Variants in ANXA3 observed in about 807,000 individuals in gnomAD.
ANXA3 encodes the protein 35-alpha calcimedin.
In ANXA3, 46 loss-of-function variants were observed where a neutral mutation model predicts 48.8. That is an observed-to-expected ratio of 0.94 (90% CI 0.74 to 1.21). The LOEUF is 1.21. Ranked by LOEUF, ANXA3 falls within the 50% of genes most tolerant of loss-of-function variation. ANXA3 has a pLI of 0.00. For synonymous variants in ANXA3, 128 were observed against 134.7 expected, an observed-to-expected ratio of 0.95 and a Z score of 0.35; for missense variants, 383 against 378.6, an observed-to-expected ratio of 1.01 and a Z score of -0.10.
At chr4:78,570,586 C>A (rs1261661184) in intron 2 of ANXA3, among the ~76,000 whole-genome samples, 1 of 152,168 alleles carries the variant, frequency 6.6e-6, no homozygotes, top group Non-Finnish European at 1.5e-5. Flanking sequence ...AGAGACTGCA[C>A]TTCATGAAAC....
rs551423211 is a variant in ANXA3 at position 78,577,512 on chromosome 4, A to G, written c.104-1515A>G. 5.9e-5 allele frequency among the ~76,000 whole-genome samples: 9 copies of G among 152,348 alleles called. No individual in the cohort carries two copies. The East Asian group carries it at 1.7e-3, about 29-fold the overall frequency. On this transcript the variant is annotated intron_variant, in intron 3 of 12. Coordinates refer to ENST00000264908, the MANE Select transcript of ANXA3 (RefSeq NM_005139.3). ...CAGCACCAAATTGGTGCTCAGACCC[A>G]CAGAGCACAAATACACTTTAATCTG... is the stretch of plus-strand genomic sequence containing the variant.
chr4:78,560,165 C>T (rs1722597296), intron 2 of ANXA3, among the ~76,000 whole-genome samples: 1 of 152,040 alleles, frequency 6.6e-6, no homozygotes, highest in African/African-American at 2.4e-5. Context: ...TAAAATACTC[C>T]CTTTCCACTC....
intron 2 of ANXA3, chr4:78,572,946 A>C (rs1722868805): frequency 8.2e-6 from 5 of 608,758 alleles, no homozygotes; most frequent in Non-Finnish European, 1.5e-5. Flanking sequence ...ACACCCAGGA[A>C]TGAGCAAAGA....
At chr4:78,572,079 A>G (rs1354287120) in intron 2 of ANXA3, among the ~76,000 whole-genome samples, 2 of 152,234 alleles carry the variant, frequency 1.3e-5, no homozygotes, top group African/African-American at 4.8e-5. Flanking sequence ...GCGAGATGCC[A>G]TGATGAGCTT....
intron 5 of ANXA3, 125 bp from the exon 6 acceptor site, chr4:78,586,135 A>G (rs999373855): frequency 1.8e-6 from 1 of 546,712 alleles, no homozygotes; most frequent in African/African-American, 1.9e-5. Flanking sequence ...CGAGAGCAAT[A>G]GAGAACCTTG....
intron 1 of ANXA3, among the ~76,000 whole-genome samples, chr4:78,553,681 C>A (rs75838674): frequency 2.6e-5 from 4 of 152,222 alleles, no homozygotes; most frequent in African/African-American, 9.6e-5. Context: ...CCTGAAAAAA[C>A]CAAGGTGAAA....
chr4:78,584,786 G>A (rs1243821261), intron 5 of ANXA3, among the ~76,000 whole-genome samples: 3 of 152,256 alleles, frequency 2.0e-5, no homozygotes, highest in Non-Finnish European at 1.5e-5. Flanking sequence ...GATTTATTTT[G>A]AGAAACACCT....
intron 1 of ANXA3, among the ~76,000 whole-genome samples, chr4:78,553,443 T>C (rs556935684): frequency 6.6e-6 from 1 of 152,330 alleles, no homozygotes; most frequent in East Asian, 1.9e-4. Flanking sequence ...CCTTCTTCAC[T>C]TTTTACAGAT....
chr4:78,577,639 C>T (rs1266073319), intron 3 of ANXA3, among the ~76,000 whole-genome samples: 2 of 152,206 alleles, frequency 1.3e-5, no homozygotes. Context: ...TACACAGAAG[C>T]TTTTGCTTCA....
chr4:78,574,180 AG>A (rs1290368184), intron 3 of ANXA3, among the ~76,000 whole-genome samples: 1 of 152,118 alleles, frequency 6.6e-6, no homozygotes, highest in Non-Finnish European at 1.5e-5. Context: ...GCACTTTGGG[AG>A]GGGGAGGCAG....
chr4:78,569,057 A>G (rs997218610), intron 2 of ANXA3, among the ~76,000 whole-genome samples: 8 of 152,240 alleles, frequency 5.3e-5, no homozygotes, highest in African/African-American at 1.9e-4. Context: ...TTAGCACAGT[A>G]CTTGGCACAT....
At chr4:78,599,395 A>T (rs901441872) in intron 10 of ANXA3, among the ~76,000 whole-genome samples, 3 of 152,234 alleles carry the variant, frequency 2.0e-5, no homozygotes, top group African/African-American at 7.2e-5. Flanking sequence ...TGGTCAACAC[A>T]TAGTTTTTGA....
intron 3 of ANXA3, among the ~76,000 whole-genome samples, chr4:78,577,748 C>T (rs1011290397): frequency 2.4e-4 from 37 of 152,204 alleles, no homozygotes; most frequent in African/African-American, 5.8e-4. Flanking sequence ...GTTCCAGGTG[C>T]TCTTTTATAC....
Position 78,585,801 on chromosome 4 carries a change from G to C in ANXA3, c.313-459G>C, listed in dbSNP as rs138195211. ...AGGTAATTAGTCCCCATGCCAGCCA[G>C]GCCCATGATGCACATTACTGAGGAT... On this transcript the variant is annotated intron_variant, in intron 5 of 12. Coordinates refer to ENST00000264908, the MANE Select transcript of ANXA3 (RefSeq NM_005139.3). Among the ~76,000 whole-genome samples, 8 of 152,272 alleles carry C rather than the reference G, an allele frequency of 5.3e-5. No individual in the cohort carries two copies. In the East Asian group the frequency reaches 1.5e-3, roughly 29 times the overall value.
intron 12 of ANXA3, among the ~76,000 whole-genome samples, chr4:78,609,387 T>A (rs773730288): frequency 3.3e-5 from 5 of 152,218 alleles, no homozygotes; most frequent in Non-Finnish European, 5.9e-5. Flanking sequence ...TTGGTATCTT[T>A]GCCCTTTAAG....
At chr4:78,560,030 C>G (rs28454015) in intron 2 of ANXA3, among the ~76,000 whole-genome samples, 2,567 of 152,298 alleles carry the variant, frequency 0.017, 85 homozygotes, top group African/African-American at 0.058. Context: ...ATAGCCCCCT[C>G]TCCCCATTGG....
At chr4:78,603,478 C>T (rs1723586635) in intron 11 of ANXA3, 1 of 152,178 alleles carries the variant, frequency 6.6e-6, no homozygotes, top group African/African-American at 2.4e-5. Flanking sequence ...TCCCTACTGC[C>T]TTTATTCTAA....
At chr4:78,597,510 AT>A (rs1247682302) in intron 10 of ANXA3, 96 bp downstream of exon 10, 214 of 768,012 alleles carry the variant, frequency 2.8e-4, no homozygotes, top group Middle Eastern at 7.8e-4. Context: ...TGACTGATCC[AT>A]TTTTTTTGCT....
Position 78,597,413 on chromosome 4 carries a change from A to C in ANXA3, c.729A>C (p.Ile243=), listed in dbSNP as rs1056482210. The C allele has an allele frequency of 5.0e-6, 8 of 1,590,604 alleles. No homozygotes were observed. Among genetic ancestry groups the C allele is most frequent in the Non-Finnish European group, 6.0e-6 (7 of 1,161,730 alleles). The change falls in exon 10 of 13, where the codon ATA becomes ATC. Residue 243 remains isoleucine (I), a splice_region_variant and synonymous_variant. Coordinates refer to ENST00000264908, the MANE Select transcript of ANXA3 (RefSeq NM_005139.3). ...SGHFEDLLLA[I]VNCVRNTPAF... is the part of the protein sequence containing the mutation. ...ATTTTGAAGACTTACTGTTGGCCATAGGTAAGACTTCGAGTGCTGGTAAAC... is the reference window on the plus strand; with the variant it reads ...ATTTTGAAGACTTACTGTTGGCCATCGGTAAGACTTCGAGTGCTGGTAAAC...
Sources: gnomAD v4.1 joint callset for allele counts (sites outside exome capture counted in the v4.1 genomes callset) on GRCh38, gnomAD v4.1.1 for gene constraint, MANE v1.5 for transcripts, NCBI Gene and HGNC (gene_info 2026-07-23, HGNC 2026-07-21) for gene names.